CDKAL1: variants seen among roughly 807,000 people sequenced by gnomAD.
CDKAL1 encodes threonylcarbamoyladenosine tRNA methylthiotransferase.
A neutral mutation model predicts 68.2 loss-of-function variants in CDKAL1; 32 were observed. The observed-to-expected ratio is 0.47, with a 90% CI of 0.35 to 0.63. The LOEUF is 0.63. CDKAL1 is among the 30% of genes least tolerant of loss of function. The pLI, the probability that CDKAL1 is intolerant of heterozygous loss-of-function variation, is 0.00. For missense variants in CDKAL1, 606 were observed against 696.7 expected (o/e 0.87, Z 1.47); for synonymous variants, 234 against 244.3 (o/e 0.96, Z 0.39).
rs551125795 is a variant in CDKAL1 at position 21,055,368 on chromosome 6, T to G, written c.1056-9680T>G. 1.1e-4 allele frequency among the ~76,000 whole-genome samples: 16 copies of G among 152,332 alleles called. No individual in the cohort carries two copies. The East Asian group carries it at 2.5e-3, about 24-fold the overall frequency. On this transcript the variant is annotated intron_variant, in intron 11 of 15. Transcript: ENST00000274695. ...TTCTTTAAAAAAAACTTTTTTTGTTTGTTTTTTCTTTTTTTACTTTTTTTT... is the reference window on the plus strand; with the variant it reads ...TTCTTTAAAAAAAACTTTTTTTGTTGGTTTTTTCTTTTTTTACTTTTTTTT...
At chr6:20,724,925 C>A (rs1287871667) in intron 5 of CDKAL1, among the ~76,000 whole-genome samples, 1 of 152,114 alleles carries the variant, frequency 6.6e-6, no homozygotes, top group African/African-American at 2.4e-5. Flanking sequence ...TAAATTTCTT[C>A]CTTCCCTACC....
At chr6:20,670,556 A>G (rs1394988662) in intron 5 of CDKAL1, among the ~76,000 whole-genome samples, 1 of 152,170 alleles carries the variant, frequency 6.6e-6, no homozygotes, top group African/African-American at 2.4e-5. Flanking sequence ...ACAAACAGGC[A>G]GAAGTCAGCA....
intron 14 of CDKAL1, among the ~76,000 whole-genome samples, chr6:21,199,262 G>C (rs949551111): frequency 6.6e-6 from 1 of 152,170 alleles, no homozygotes; most frequent in Non-Finnish European, 1.5e-5. Flanking sequence ...ATTCCCCAGG[G>C]AATCATCTCA....
chr6:21,199,555 T>A (rs918875298), intron 14 of CDKAL1, among the ~76,000 whole-genome samples: 2 of 152,172 alleles, frequency 1.3e-5, no homozygotes, highest in Non-Finnish European at 2.9e-5. Flanking sequence ...AGCAGGGAAC[T>A]TTTTTCCCTT....
rs557042936 is a variant in CDKAL1 at position 20,934,827 on chromosome 6, A to AAG, written c.743-20580_743-20579dup. Among the ~76,000 whole-genome samples, 376 of 151,896 alleles carry AAG rather than the reference A, an allele frequency of 2.5e-3. 1 individual carries two copies. The highest frequency in any genetic ancestry group is 6.8e-3 in the Middle Eastern group (2 of 292). ...CACGCCACTGTACTCCAGCCTGTGC[A>AAG]AGAGAGAGAGAGACCTTGTCGCAAA... On this transcript the variant is annotated intron_variant, in intron 9 of 15. Coordinates refer to ENST00000274695, the MANE Select transcript of CDKAL1 (RefSeq NM_017774.3).
chr6:20,940,552 A>G (rs1763920562), intron 9 of CDKAL1, among the ~76,000 whole-genome samples: 2 of 152,086 alleles, frequency 1.3e-5, no homozygotes. Flanking sequence ...TTTGTAATCA[A>G]TTTCTTTTGG....
intron 9 of CDKAL1, among the ~76,000 whole-genome samples, chr6:20,884,921 G>T (rs1006638490): frequency 6.6e-6 from 1 of 151,756 alleles, no homozygotes; most frequent in Non-Finnish European, 1.5e-5. Flanking sequence ...GAGCCTGAAA[G>T]TTTGAGACCA....
At chr6:20,985,802 C>CAA (rs1331475452) in intron 10 of CDKAL1, among the ~76,000 whole-genome samples, 2 of 133,796 alleles carry the variant, frequency 1.5e-5, no homozygotes, top group African/African-American at 5.5e-5. Context: ...GACCCTGCCT[C>CAA]AAAAAAAAAA....
chr6:20,668,660 T>C (rs570206439), intron 5 of CDKAL1, among the ~76,000 whole-genome samples: 21 of 152,222 alleles, frequency 1.4e-4, no homozygotes, highest in Non-Finnish European at 2.9e-4. Flanking sequence ...GTTTAAATAT[T>C]TTACATAGCC....
chr6:20,817,672 G>A (rs1777102164), intron 8 of CDKAL1, among the ~76,000 whole-genome samples: 1 of 152,040 alleles, frequency 6.6e-6, no homozygotes, highest in Non-Finnish European at 1.5e-5. Flanking sequence ...AGAATTTTAG[G>A]TGTTTAAAAA....
At chr6:21,129,518 A>G (rs1775180145) in intron 13 of CDKAL1, among the ~76,000 whole-genome samples, 1 of 152,060 alleles carries the variant, frequency 6.6e-6, no homozygotes, top group Non-Finnish European at 1.5e-5. Context: ...AACCCAGGGT[A>G]GACCTCATAA....
intron 13 of CDKAL1, among the ~76,000 whole-genome samples, chr6:21,188,608 C>T (rs1220843289): frequency 6.6e-6 from 1 of 152,174 alleles, no homozygotes; most frequent in Non-Finnish European, 1.5e-5. Flanking sequence ...AATCAGATCT[C>T]ATGGATAGAT....
At chr6:20,706,187 C>T (rs75626419) in intron 5 of CDKAL1, among the ~76,000 whole-genome samples, 11,401 of 152,190 alleles carry the variant, frequency 0.075, 579 homozygotes, top group Non-Finnish European at 0.11. Context: ...CATCAAGATT[C>T]CTTTGCCTTC....
chr6:20,721,867 G>A (rs980012663), intron 5 of CDKAL1, among the ~76,000 whole-genome samples: 5 of 151,402 alleles, frequency 3.3e-5, no homozygotes, highest in African/African-American at 1.2e-4. Flanking sequence ...CGAGTAGCTG[G>A]GACTACAGGC....
chr6:20,815,716 G>A (rs539663622), intron 8 of CDKAL1, among the ~76,000 whole-genome samples: 1 of 151,970 alleles, frequency 6.6e-6, no homozygotes, highest in South Asian at 2.1e-4. Flanking sequence ...AGCACAAATA[G>A]TTGGATAAAA....
chr6:21,188,151 T>C (rs1013521075), intron 13 of CDKAL1, among the ~76,000 whole-genome samples: 4 of 152,230 alleles, frequency 2.6e-5, no homozygotes, highest in African/African-American at 9.6e-5. Flanking sequence ...GTCATTAGTA[T>C]ATATGTCATA....
intron 10 of CDKAL1, among the ~76,000 whole-genome samples, chr6:20,959,475 G>T (rs1764944707): frequency 1.3e-5 from 2 of 151,622 alleles, no homozygotes; most frequent in South Asian, 4.2e-4. Context: ...GACATTCAGG[G>T]TACTTATTTT....
At chr6:20,622,474 G>A (rs1387273071) in intron 4 of CDKAL1, among the ~76,000 whole-genome samples, 1 of 152,086 alleles carries the variant, frequency 6.6e-6, no homozygotes, top group Non-Finnish European at 1.5e-5. Context: ...ATTAGACAAA[G>A]GGGATGGAGA....
intron 9 of CDKAL1, among the ~76,000 whole-genome samples, chr6:20,932,882 A>T (rs185087306): frequency 6.6e-6 from 1 of 152,186 alleles, no homozygotes; most frequent in Non-Finnish European, 1.5e-5. Flanking sequence ...TATGTTTGCT[A>T]TGGAGCCAAG....
Sources: gnomAD v4.1 joint callset for allele counts (sites outside exome capture counted in the v4.1 genomes callset) on GRCh38, gnomAD v4.1.1 for gene constraint, MANE v1.5 for transcripts, NCBI Gene and HGNC (gene_info 2026-07-23, HGNC 2026-07-21) for gene names.